QRICH2: variants seen among roughly 807,000 people sequenced by gnomAD.
QRICH2 encodes the protein glutamine rich 2, also known as glutamine-rich protein 2.
QRICH2 carries 119 observed loss-of-function variants against 168.3 expected under a neutral mutation model. The ratio of observed to expected loss-of-function variants is 0.71; its 90% CI spans 0.61 to 0.82. The LOEUF is 0.82. Among genes scored for constraint, QRICH2 ranks in the 40% least tolerant of loss-of-function variants. QRICH2 has a pLI of 0.00. For synonymous variants in QRICH2, 894 were observed against 951.2 expected, an observed-to-expected ratio of 0.94 and a Z score of 1.11; for missense variants, 2,241 against 2,491.6, an observed-to-expected ratio of 0.90 and a Z score of 2.14.
chr17:76,299,846 A>G (rs1367361517), intron 3 of QRICH2, among the ~76,000 whole-genome samples: 1 of 149,670 alleles, frequency 6.7e-6, no homozygotes, highest in Non-Finnish European at 1.5e-5. Context: ...TTTTTTTTTG[A>G]GACGGAGTTT....
At chr17:76,297,964 C>A (rs542391066) in intron 3 of QRICH2, among the ~76,000 whole-genome samples, 2 of 149,280 alleles carry the variant, frequency 1.3e-5, no homozygotes, top group Admixed American at 1.4e-4. Context: ...CTGAAACCTC[C>A]GCCTCCAAGT....
chr17:76,280,330 C>G lies in QRICH2; in HGVS notation c.4583G>C (p.Trp1528Ser). Residue 1528 changes from tryptophan (W) to serine (S), a missense_variant, in exon 11 of 19, where the codon TGG becomes TCG. Trp to Ser is a radical substitution (Grantham distance 177). Around this residue, in one of 3 missense-constraint regions of QRICH2, gnomAD observed 2,047 missense variants for 2,303.8 expected, o/e 0.89. Transcript: ENST00000680821. The surrounding 1 kb of genome is among the most constrained non-coding windows in gnomAD (Gnocchi z 7.4). ...VAKMSGQEQDWQKMLDRLLTE... is the reference protein window; with the variant it reads ...VAKMSGQEQDSQKMLDRLLTE... The stretch of plus-strand genomic sequence containing the variant: ...GAGCAGCCTGTCCAGCATCTTCTGC[C>G]AGTCCTGCTCCTGCCCGCTCATCTT... The G allele has an allele frequency of 6.2e-7, 1 of 1,614,218 alleles. No individual in the cohort carries two copies. The highest frequency in any genetic ancestry group is 8.5e-7 in the Non-Finnish European group (1 of 1,180,034).
intron 16 of QRICH2, 44 bp downstream of exon 16, chr17:76,277,119 A>T (rs2070694496): frequency 4.0e-6 from 6 of 1,507,552 alleles, no homozygotes; most frequent in Non-Finnish European, 5.3e-6. Context: ...ATCTGGAGCC[A>T]TGTCAGGGCC....
rs75138404 is a variant in QRICH2, at chr17:76,291,239, C to T, written c.3488G>A (p.Arg1163Gln). The T allele has an allele frequency of 9.3e-3, 15,068 of 1,614,142 alleles. 1,176 individuals carry two copies. In the African/African-American group the frequency reaches 0.17, roughly 19 times the overall value. ...TLFRSPDSVDRVLSEGSEVSS... is the reference protein window; with the variant it reads ...TLFRSPDSVDQVLSEGSEVSS... ...GACTTCGCTCCCTTCTGATAAGACTCGGTCGACGGAGTCTGGACTCCTGAA... is the reference window on the plus strand; with the variant it reads ...GACTTCGCTCCCTTCTGATAAGACTTGGTCGACGGAGTCTGGACTCCTGAA... Residue 1163 changes from arginine (R) to glutamine (Q), a missense_variant, in exon 4 of 19, where the codon CGA becomes CAA. Transcript: ENST00000680821.
intron 15 of QRICH2, among the ~76,000 whole-genome samples, 153 bp from the exon 16 acceptor site, chr17:76,277,463 C>T (rs533763992): frequency 1.1e-4 from 16 of 151,874 alleles, no homozygotes; most frequent in East Asian, 3.9e-4. Flanking sequence ...AACAGGCGGG[C>T]GGGGGTAGAG....
intron 3 of QRICH2, among the ~76,000 whole-genome samples, chr17:76,296,854 A>C (rs1356560993): frequency 2.0e-5 from 3 of 151,638 alleles, no homozygotes; most frequent in Non-Finnish European, 4.4e-5. Context: ...AGGTCTGTGG[A>C]GGATCCCCTC....
chr17:76,287,205 T>C lies in QRICH2; in HGVS notation c.3998A>G (p.Tyr1333Cys), dbSNP rs1238352416. 1.9e-6 allele frequency: 3 copies of C among 1,612,988 alleles called. No homozygotes were observed. Among genetic ancestry groups the C allele is most frequent in the Non-Finnish European group, 2.5e-6 (3 of 1,179,116 alleles). Residue 1333 changes from tyrosine (Y) to cysteine (C), a missense_variant, in exon 7 of 19, where the codon TAC (tyrosine) becomes TGC (cysteine). Tyr to Cys is a radical substitution (Grantham distance 194). Around this residue, in one of 3 missense-constraint regions of QRICH2, gnomAD observed 2,047 missense variants for 2,303.8 expected, o/e 0.89. Transcript: ENST00000680821. ...GGGAATCCTCACCTGGTCCTGCAGG[T>C]AAAGGGAGGCTTCAGAGACAGAATT... The part of the protein sequence containing the change: ...MENSVSEASL[Y>C]LQDQLDKLRM...
rs769231924 is a variant in QRICH2, at chr17:76,291,735, A to T, written c.2992T>A (p.Ser998Thr). The stretch of plus-strand genomic sequence containing the variant: ...GGACGTACTGATATAAAACCTGTAG[A>T]ATCTGCCTGGAATGTTGAAGAGCCA... Reference protein sequence around the residue: ...LRGSSTFQADSTGFISVRPYQ... With the variant: ...LRGSSTFQADTTGFISVRPYQ... Residue 998 changes from serine to threonine, a missense_variant, in exon 4 of 19, where the codon TCT becomes ACT. By Grantham distance (58) the Ser-to-Thr change is moderately conservative (BLOSUM62 1). Around this residue, in one of 3 missense-constraint regions of QRICH2, gnomAD observed 2,047 missense variants for 2,303.8 expected, o/e 0.89. Transcript: ENST00000680821. 6.2e-7 allele frequency: 1 copy of T among 1,614,032 alleles called. No individual in the cohort carries two copies. Among genetic ancestry groups the T allele is most frequent in the African/African-American group, 1.3e-5 (1 of 74,900 alleles).
chr17:76,275,153 T>A (rs1441062107), intron 18 of QRICH2, among the ~76,000 whole-genome samples: 1 of 151,842 alleles, frequency 6.6e-6, no homozygotes, highest in Admixed American at 6.6e-5. Context: ...GGTGCATAAC[T>A]GTTTTACAGG....
rs138194677 is a variant in QRICH2, at chr17:76,274,914, G to A, written c.5483-654C>T. Among the ~76,000 whole-genome samples the A allele has an allele frequency of 1.6e-4, 25 of 152,290 alleles. No homozygotes were observed. The East Asian group carries it at 1.7e-3, about 11-fold the overall frequency. On this transcript the variant is annotated intron_variant, in intron 18 of 18. Coordinates refer to ENST00000680821, the MANE Select transcript of QRICH2 (RefSeq NM_001388453.1). ...CTGGTACATAGATTGAAAGTGGTTC[G>A]TCCATGTAAAGCTCCTAAACTACCT...
intron 3 of QRICH2, among the ~76,000 whole-genome samples, chr17:76,301,703 A>ATTTTTTTTTTTTTTT (rs370779519): frequency 1.6e-5 from 2 of 121,784 alleles, no homozygotes; most frequent in African/African-American, 3.4e-5. Context: ...GTGTTTTATA[A>ATTTTTTTTTTTTTTT]TTTTTTTTTT....
Position 76,291,082 on chromosome 17 carries a change from C to CT in QRICH2, c.3644dup (p.Asp1216GlyfsTer4). ...GGCCGGCCTGCTCCTCATCCAGATC[C>CT]TTCATACTCTCCTTTAGCCCCACAT... is the stretch of plus-strand genomic sequence containing the variant. On this transcript the variant is annotated frameshift_variant, in exon 4 of 19. Transcript: ENST00000680821. LOFTEE classifies it high-confidence loss of function. 6.2e-7 allele frequency: 1 copy of CT among 1,614,192 alleles called. No individual in the cohort carries two copies. The highest frequency in any genetic ancestry group is 8.5e-7 in the Non-Finnish European group (1 of 1,180,050).
At position 76,280,186 on chromosome 17, in the gene QRICH2, C is replaced by T. The variant is rs1568106751; in HGVS notation, c.4627-32G>A. 6.2e-7 allele frequency: 1 copy of T among 1,609,996 alleles called. No homozygotes were observed. The highest frequency in any genetic ancestry group is 1.7e-5 in the Admixed American group (1 of 59,736). On this transcript the variant is annotated intron_variant, in intron 11 of 18. Coordinates refer to ENST00000680821, the MANE Select transcript of QRICH2 (RefSeq NM_001388453.1). The surrounding 1 kb of genome is among the most constrained non-coding windows in gnomAD (Gnocchi z 7.4). Reference sequence around the variant, plus strand: ...CGGGGAAAGAGGGGCCAGGGGACCTCTAAGGAAGCAGGTAGGGGGCTGACC... The same window carrying T: ...CGGGGAAAGAGGGGCCAGGGGACCTTTAAGGAAGCAGGTAGGGGGCTGACC...
chr17:76,307,817 A>C lies in QRICH2; in HGVS notation c.182T>G (p.Leu61Arg). Residue 61 changes from leucine to arginine, a missense_variant, in exon 1 of 19, where the codon CTG becomes CGG. Leu to Arg is a moderately radical substitution (Grantham distance 102, BLOSUM62 -2). This residue lies in a region of QRICH2 where 2,047 missense variants were observed against 2,303.8 expected (regional missense o/e 0.89). Transcript: ENST00000680821. The surrounding 1 kb of genome is among the most constrained non-coding windows in gnomAD (Gnocchi z 5.3). ...GCTGAACGAGCTCCGGACGGACTGC[A>C]GCGAGCGGCTGGGCTCGGGCGACGA... Reference protein sequence around the residue: ...QPSSPEPSRSLQSVRSSFSIP... With the variant: ...QPSSPEPSRSRQSVRSSFSIP... 7.7e-7 allele frequency: 1 copy of C among 1,304,600 alleles called. No homozygotes were observed. Among genetic ancestry groups the C allele is most frequent in the Non-Finnish European group, 9.7e-7 (1 of 1,029,184 alleles). 80.8% of individuals were successfully genotyped at this position (1,304,600 alleles called of 1,614,324 possible).
At chr17:76,287,338 C>T (rs1181518187) in intron 6 of QRICH2, 32 bp from the exon 7 acceptor site, 1 of 1,512,402 alleles carries the variant, frequency 6.6e-7, no homozygotes, top group Admixed American at 1.7e-5. Flanking sequence ...TGCCAGACTC[C>T]ACACTCAGGC....
Position 76,291,906 on chromosome 17 carries a change from A to G in QRICH2, c.2821T>C (p.Leu941=). 1 of 1,614,180 alleles carries G rather than the reference A, an allele frequency of 6.2e-7. No homozygotes were observed. The change falls in exon 4 of 19, where the codon TTG becomes CTG. Residue 941 remains leucine (L), a synonymous_variant. Coordinates refer to ENST00000680821, the MANE Select transcript of QRICH2 (RefSeq NM_001388453.1). The part of the protein sequence containing the change: ...LVQPGAYPLG[L]VQPGAYLHDL... Reference sequence around the variant, plus strand: ...TGCAAATATGCACCAGGTTGTACCAAACCAAGAGGATAGGCACCAGGTTGT... The same window carrying G: ...TGCAAATATGCACCAGGTTGTACCAGACCAAGAGGATAGGCACCAGGTTGT...
chr17:76,291,496 A>G lies in QRICH2; in HGVS notation c.3231T>C (p.His1077=). ...GLGSTHPDQQ[H]VASPGPGEHD... ...GCTCACCTGGGCCAGGTGATGCCACATGCTGTTGATCTGGGTGTGTAGATC... is the reference window on the plus strand; with the variant it reads ...GCTCACCTGGGCCAGGTGATGCCACGTGCTGTTGATCTGGGTGTGTAGATC... Residue 1077 remains histidine (H), a synonymous_variant, in exon 4 of 19, where the codon CAT becomes CAC. Transcript: ENST00000680821. 6.2e-7 allele frequency: 1 copy of G among 1,614,000 alleles called. No individual in the cohort carries two copies.
In QRICH2 at chr17:76,291,721, T is replaced by C. The variant is rs2070997117; in HGVS notation, c.3006A>G (p.Ile1002Met). Reference sequence around the variant, plus strand: ...TACCATGTTGATATGGACGTACTGATATAAAACCTGTAGAATCTGCCTGGA... The same window carrying C: ...TACCATGTTGATATGGACGTACTGACATAAAACCTGTAGAATCTGCCTGGA... ...STFQADSTGF[I>M]SVRPYQHGMV... Residue 1002 changes from isoleucine (I) to methionine (M), a missense_variant, in exon 4 of 19, where the codon ATA becomes ATG. By Grantham distance (10) the Ile-to-Met change is conservative. This residue lies in a region of QRICH2 where 2,047 missense variants were observed against 2,303.8 expected (regional missense o/e 0.89). Coordinates refer to ENST00000680821, the MANE Select transcript of QRICH2 (RefSeq NM_001388453.1). 1.9e-6 allele frequency: 3 copies of C among 1,614,174 alleles called. No individual in the cohort carries two copies. The highest frequency in any genetic ancestry group is 1.1e-5 in the South Asian group (1 of 91,076).
chr17:76,296,953 C>A (rs2070807116), intron 3 of QRICH2, among the ~76,000 whole-genome samples: 1 of 152,172 alleles, frequency 6.6e-6, no homozygotes, highest in Non-Finnish European at 1.5e-5. Context: ...CTTGAAGAAG[C>A]AGTGCCCTGC....
Sources: gnomAD v4.1 joint callset for allele counts (sites outside exome capture counted in the v4.1 genomes callset) on GRCh38, gnomAD v4.1.1 for gene constraint, gnomAD v4.1.1 regional missense constraint, Gnocchi (gnomAD v3.1) non-coding constraint, MANE v1.5 for transcripts, NCBI Gene and HGNC (gene_info 2026-07-23, HGNC 2026-07-21) for gene names.